Variants in SCN11A observed in about 807,000 individuals in gnomAD.
The protein encoded by SCN11A is sodium channel protein type 11 subunit alpha.
Under a neutral mutation model 162.2 loss-of-function variants are expected in SCN11A, and 122 were observed. The ratio of observed to expected loss-of-function variants is 0.75; its 90% CI spans 0.65 to 0.87. The LOEUF (loss-of-function observed/expected upper bound fraction) is 0.87, where lower values mean the gene tolerates loss of function less well. Ranked by LOEUF, SCN11A falls within the 40% of genes least tolerant of loss-of-function variation. The pLI is 0.00. For missense variants in SCN11A, 2,015 were observed against 2,181.6 expected, an observed-to-expected ratio of 0.92 and a Z score of 1.52; for synonymous variants, 758 against 751.5, an observed-to-expected ratio of 1.01 and a Z score of -0.14.
At chr3:38,919,866 G>T in intron 11 of SCN11A, 69 bp downstream of exon 11, 1 of 1,127,106 alleles carries the variant, frequency 8.9e-7, no homozygotes, top group Non-Finnish European at 1.3e-6. Flanking sequence ...ATTAAAGACT[G>T]TTTGCCACAC....
intron 8 of SCN11A, 102 bp downstream of exon 8, chr3:38,926,701 C>T: frequency 8.4e-7 from 1 of 1,197,274 alleles, no homozygotes; most frequent in Non-Finnish European, 1.2e-6. Context: ...CATTACTAGG[C>T]CATACTCAGC....
Position 38,954,255 on chromosome 3 carries a change from AAGTGGGCAT to A in SCN11A, c.-138-505_-138-497del, listed in dbSNP as rs2066654969. Among the ~76,000 whole-genome samples, 58 of 152,340 alleles carry A rather than the reference AAGTGGGCAT, an allele frequency of 3.8e-4. No homozygotes were observed. The South Asian group carries it at 0.012, about 32-fold the overall frequency. On this transcript the variant is annotated intron_variant, in intron 3 of 29. Coordinates refer to ENST00000302328, the MANE Select transcript of SCN11A (RefSeq NM_001349253.2). ...ATGTGTAATTGAATTTGTATGAATGAAGTGGGCATATAATGAGACTCTGCTGCATTTGAC... is the reference window on the plus strand; with the variant it reads ...ATGTGTAATTGAATTTGTATGAATGAATAATGAGACTCTGCTGCATTTGAC...
chr3:38,847,121 G>A lies in SCN11A; in HGVS notation c.4949C>T (p.Ala1650Val). The change falls in exon 30 of 30, where the codon GCT becomes GTT. Residue 1650 changes from alanine to valine, a missense_variant. Ala to Val is a moderately conservative substitution (Grantham distance 64). Coordinates refer to ENST00000302328, the MANE Select transcript of SCN11A (RefSeq NM_001349253.2). ...ACGCAAAGGCTCAGGCAAGGCATCA[G>A]CAAAGTCAGAAAGGGCAGAATATTT... ...FIKYSALSDFADALPEPLRVA... is the reference protein window; with the variant it reads ...FIKYSALSDFVDALPEPLRVA... The A allele has an allele frequency of 6.2e-7, 1 of 1,614,210 alleles. No individual in the cohort carries two copies. The highest frequency in any genetic ancestry group is 8.5e-7 in the Non-Finnish European group (1 of 1,180,048).
chr3:38,885,422 G>A lies in SCN11A; in HGVS notation c.2950-20C>T, dbSNP rs929339501. On this transcript the variant is annotated intron_variant, in intron 20 of 29. Transcript: ENST00000302328. ...AGACTTCTGCACATCAGAACAAAAC[G>A]AAGGGGGTGCCTTTTACTAAGACCT... 3 of 1,324,770 alleles carry A rather than the reference G, an allele frequency of 2.3e-6. No homozygotes were observed. Among genetic ancestry groups the A allele is most frequent in the South Asian group, 1.2e-5 (1 of 84,354 alleles). The allele number at this position is 1,324,770 out of a possible 1,614,324, so 82.1% of individuals were successfully genotyped here. A position where few individuals can be genotyped will look rare whatever the true frequency, so the allele number is the denominator to read the frequency against.
intron 2 of SCN11A, among the ~76,000 whole-genome samples, chr3:38,963,728 AG>A (rs1346600171): frequency 2.0e-5 from 3 of 151,876 alleles, no homozygotes; most frequent in African/African-American, 7.3e-5. Context: ...CGGGGGGAAG[AG>A]TGGGAGAGAG....
chr3:38,972,932 A>G (rs1229757226), intron 2 of SCN11A, among the ~76,000 whole-genome samples: 3 of 152,240 alleles, frequency 2.0e-5, no homozygotes, highest in Non-Finnish European at 4.4e-5. Context: ...GAAATTTAGG[A>G]ACATGTAGAG....
At chr3:38,958,385 G>A (rs1163430454) in intron 3 of SCN11A, among the ~76,000 whole-genome samples, 1 of 152,208 alleles carries the variant, frequency 6.6e-6, no homozygotes, top group Non-Finnish European at 1.5e-5. Context: ...TTCTGATGTG[G>A]GGTGTAATGG....
At chr3:39,000,844 C>T in intron 2 of SCN11A, among the ~76,000 whole-genome samples, 1 of 152,106 alleles carries the variant, frequency 6.6e-6, no homozygotes, top group East Asian at 1.9e-4. Flanking sequence ...TGAGACCAGC[C>T]TGAGTAACAT....
At chr3:38,916,523 G>A (rs1315399485) in intron 11 of SCN11A, among the ~76,000 whole-genome samples, 3 of 152,084 alleles carry the variant, frequency 2.0e-5, no homozygotes, top group Non-Finnish European at 4.4e-5. Flanking sequence ...TCATCTGCCT[G>A]CCCTAAAACC....
intron 16 of SCN11A, 22 bp from the exon 17 acceptor site, chr3:38,900,095 T>C (rs2065674435): frequency 1.2e-6 from 2 of 1,603,056 alleles, no homozygotes; most frequent in Non-Finnish European, 1.7e-6. Context: ...CAAAGAAGAA[T>C]GAGAGAAGGA....
At chr3:38,950,456 G>T in intron 4 of SCN11A, 87 bp from the exon 5 acceptor site, 1 of 1,377,608 alleles carries the variant, frequency 7.3e-7, no homozygotes, top group Non-Finnish European at 1.0e-6. Flanking sequence ...AGTCTTAAAG[G>T]ATGGTGTCAT....
At chr3:39,045,258 T>C (rs996853804) in intron 1 of SCN11A, among the ~76,000 whole-genome samples, 1 of 152,060 alleles carries the variant, frequency 6.6e-6, no homozygotes, top group Non-Finnish European at 1.5e-5. Context: ...TTCCAAAAAA[T>C]TGAAGGGGAG....
chr3:38,960,266 C>T lies in SCN11A; in HGVS notation c.-139+17G>A, dbSNP rs548781176. ...TGAAAGAACAGAACAGGCCTGCACC[C>T]GGCCCAGAGGACTTACCTGACTTCT... On this transcript the variant is annotated intron_variant, in intron 3 of 29. Coordinates refer to ENST00000302328, the MANE Select transcript of SCN11A (RefSeq NM_001349253.2). Among the ~76,000 whole-genome samples the T allele has an allele frequency of 2.0e-5, 3 of 152,298 alleles. No individual in the cohort carries two copies. The highest frequency in any genetic ancestry group is 7.2e-5 in the African/African-American group (3 of 41,568).
intron 1 of SCN11A, among the ~76,000 whole-genome samples, chr3:39,050,351 C>T (rs2032303924): frequency 6.6e-6 from 1 of 152,224 alleles, no homozygotes; most frequent in African/African-American, 2.4e-5. Flanking sequence ...ATTCCTGTCT[C>T]ATCCTGGGAC....
chr3:38,977,983 C>T (rs2066859279), intron 2 of SCN11A, among the ~76,000 whole-genome samples: 1 of 152,198 alleles, frequency 6.6e-6, no homozygotes, highest in South Asian at 2.1e-4. Context: ...AAATTATTTT[C>T]CTTTTAGAAG....
intron 7 of SCN11A, among the ~76,000 whole-genome samples, chr3:38,937,360 A>C (rs1016362803): frequency 6.7e-6 from 1 of 148,872 alleles, no homozygotes; most frequent in Non-Finnish European, 1.5e-5. Context: ...ACAAAAGCCA[A>C]AATTGACAAA....
chr3:38,920,070 T>C (rs758918145), intron 10 of SCN11A, 69 bp from the exon 11 acceptor site: 57 of 1,174,308 alleles, frequency 4.9e-5, no homozygotes, highest in Middle Eastern at 2.0e-4. Context: ...ATAGTAAGTA[T>C]GCAGATTATG....
At chr3:38,978,826 C>T (rs969731958) in intron 2 of SCN11A, among the ~76,000 whole-genome samples, 1 of 152,146 alleles carries the variant, frequency 6.6e-6, no homozygotes, top group Admixed American at 6.5e-5. Flanking sequence ...CCGCTCTCTG[C>T]CTTGCCCTTC....
chr3:38,942,451 T>C (rs994372441), intron 7 of SCN11A, among the ~76,000 whole-genome samples: 1 of 152,190 alleles, frequency 6.6e-6, no homozygotes, highest in Non-Finnish European at 1.5e-5. Context: ...CTATAAAAGA[T>C]GTTTCTCTTT....
Sources: allele counts gnomAD v4.1 joint callset (sites outside exome capture counted in the v4.1 genomes callset), GRCh38; gene constraint gnomAD v4.1.1; transcripts MANE v1.5; gene names NCBI Gene and HGNC (gene_info 2026-07-23, HGNC 2026-07-21).